The following ABCA13 variants were observed in gnomAD, a reference collection of about 807,000 sequenced individuals.
ABCA13 encodes ATP-binding cassette sub-family A member 13.
Under a neutral mutation model 478.7 loss-of-function variants are expected in ABCA13, and 476 were observed. The observed-to-expected ratio is 0.99, with a 90% CI of 0.92 to 1.07. ABCA13 has a LOEUF of 1.07. ABCA13 is among the 50% of genes least tolerant of loss of function. The pLI, the probability that ABCA13 is intolerant of heterozygous loss-of-function variation, is 0.00. For missense variants in ABCA13, 6,060 were observed against 5,910.6 expected (o/e 1.03, Z -0.83); for synonymous variants, 2,252 against 2,158.9 (o/e 1.04, Z -1.20).
intron 1 of ABCA13, among the ~76,000 whole-genome samples, chr7:48,172,617 A>T (rs993271824): frequency 1.3e-5 from 2 of 151,540 alleles, no homozygotes; most frequent in African/African-American, 4.9e-5. Context: ...AACACAGTGA[A>T]ACCCCGTCTC....
Position 48,275,079 on chromosome 7 carries a change from G to A in ABCA13, c.5413G>A (p.Val1805Ile), listed in dbSNP as rs555037483. ...AATTCTTTTGGATACAATTGAATTA[G>A]TATCAGATAAGCCAGATATTATTTC... is the stretch of plus-strand genomic sequence containing the variant. ...IKILLDTIEL[V>I]SDKPDIISEA... Residue 1805 changes from valine to isoleucine, a missense_variant, in exon 17 of 62, where the codon GTA (valine) becomes ATA (isoleucine). Around this residue, in one of 3 missense-constraint regions of ABCA13, gnomAD observed 4,423 missense variants for 4,309.1 expected, o/e 1.03. Transcript: ENST00000435803. 3.1e-6 allele frequency: 5 copies of A among 1,613,300 alleles called. No individual in the cohort carries two copies. The South Asian group carries it at 5.5e-5, about 18-fold the overall frequency.
At chr7:48,334,165 T>C (rs1805842399) in intron 27 of ABCA13, among the ~76,000 whole-genome samples, 1 of 152,156 alleles carries the variant, frequency 6.6e-6, no homozygotes, top group South Asian at 2.1e-4. Flanking sequence ...TTTTAAAGAT[T>C]TTACAGATCT....
At position 48,455,206 on chromosome 7, in the gene ABCA13, G is replaced by A. The variant is rs1429539585; in HGVS notation, c.12735G>A (p.Met4245Ile). 1 of 1,596,650 alleles carries A rather than the reference G, an allele frequency of 6.3e-7. No homozygotes were observed. The highest frequency in any genetic ancestry group is 2.3e-5 in the East Asian group (1 of 43,964). The change falls in exon 43 of 62, where the codon ATG (methionine) becomes ATA (isoleucine). Residue 4245 changes from methionine (M) to isoleucine (I), a missense_variant. Transcript: ENST00000435803. ...TGGCCTTGGCCATGGGCTTGTTCAT[G>A]GTGAGACCCCTGGCCACCGAGTACC... ...LFVALAMGLF[M>I]VRPLATEYPP...
intron 57 of ABCA13, among the ~76,000 whole-genome samples, chr7:48,592,478 T>C (rs1414843560): frequency 6.6e-6 from 1 of 151,938 alleles, no homozygotes; most frequent in Non-Finnish European, 1.5e-5. Flanking sequence ...TTGTTTAGAC[T>C]TGTTTTGTGG....
chr7:48,325,945 G>C (rs1431242379), intron 27 of ABCA13, among the ~76,000 whole-genome samples: 1 of 152,096 alleles, frequency 6.6e-6, no homozygotes, highest in Non-Finnish European at 1.5e-5. Context: ...TGCACTCTAG[G>C]GTATCTGGAG....
At chr7:48,642,060 A>G (rs1321685143) in intron 59 of ABCA13, among the ~76,000 whole-genome samples, 1 of 152,198 alleles carries the variant, frequency 6.6e-6, no homozygotes, top group Admixed American at 6.5e-5. Flanking sequence ...TGTCCTCACC[A>G]ACCTCTCAGC....
Position 48,269,635 on chromosome 7 carries a change from G to A in ABCA13, c.2120+541G>A, listed in dbSNP as rs560880673. Among the ~76,000 whole-genome samples, 90 of 152,282 alleles carry A rather than the reference G, an allele frequency of 5.9e-4. No individual in the cohort carries two copies. In the South Asian group the frequency reaches 0.018, roughly 31 times the overall value. Reference sequence around the variant, plus strand: ...TTGTGGGGTGTATTGGAACATGATGGGAGAGATGTTTTGCATAAGAGCAGT... The same window carrying A: ...TTGTGGGGTGTATTGGAACATGATGAGAGAGATGTTTTGCATAAGAGCAGT... On this transcript the variant is annotated intron_variant, in intron 16 of 61. Coordinates refer to ENST00000435803, the MANE Select transcript of ABCA13 (RefSeq NM_152701.5).
At chr7:48,542,677 G>T (rs993540893) in intron 55 of ABCA13, among the ~76,000 whole-genome samples, 1 of 149,228 alleles carries the variant, frequency 6.7e-6, no homozygotes, top group African/African-American at 2.5e-5. Flanking sequence ...CAGCATAAAA[G>T]AATAAATAAG....
intron 42 of ABCA13, among the ~76,000 whole-genome samples, chr7:48,444,204 G>T (rs1422349215): frequency 6.6e-6 from 1 of 152,136 alleles, no homozygotes; most frequent in Non-Finnish European, 1.5e-5. Context: ...TAAAGACAAA[G>T]CAGCATAAGA....
chr7:48,402,869 C>T (rs1817790867), intron 38 of ABCA13, among the ~76,000 whole-genome samples: 1 of 152,206 alleles, frequency 6.6e-6, no homozygotes. Flanking sequence ...GGAGACACTC[C>T]ACTTTGGTTT....
chr7:48,421,657 A>G (rs182664122), intron 41 of ABCA13, among the ~76,000 whole-genome samples: 112 of 152,312 alleles, frequency 7.4e-4, no homozygotes, highest in African/African-American at 2.7e-3. Context: ...CATTTCTCCA[A>G]GAAATCCTGG....
At chr7:48,316,419 A>C (rs1802590411) in intron 26 of ABCA13, among the ~76,000 whole-genome samples, 2 of 152,212 alleles carry the variant, frequency 1.3e-5, no homozygotes, top group South Asian at 4.1e-4. Context: ...TCAAGTGTCC[A>C]TGTCATTATT....
intron 58 of ABCA13, among the ~76,000 whole-genome samples, chr7:48,601,667 G>A (rs1790908140): frequency 1.3e-5 from 2 of 152,152 alleles, no homozygotes; most frequent in Non-Finnish European, 2.9e-5. Context: ...TTTGTGAACA[G>A]TTCCTCAGTA....
At chr7:48,459,147 A>G (rs139032538) in intron 43 of ABCA13, among the ~76,000 whole-genome samples, 2 of 152,300 alleles carry the variant, frequency 1.3e-5, no homozygotes, top group African/African-American at 4.8e-5. Flanking sequence ...AGCAGCACAG[A>G]GCAGCCCCAG....
chr7:48,547,930 T>C (rs540241155), intron 55 of ABCA13, among the ~76,000 whole-genome samples: 3 of 152,020 alleles, frequency 2.0e-5, no homozygotes, highest in African/African-American at 7.2e-5. Context: ...TATTGGGATG[T>C]AACCCCATCC....
intron 41 of ABCA13, among the ~76,000 whole-genome samples, chr7:48,415,379 G>A (rs895188322): frequency 6.6e-6 from 1 of 152,274 alleles, no homozygotes; most frequent in Admixed American, 6.5e-5. Context: ...GTTCATGTCT[G>A]TCTCTCTAAT....
At chr7:48,201,762 T>A (rs142646745) in intron 3 of ABCA13, among the ~76,000 whole-genome samples, 208 of 152,282 alleles carry the variant, frequency 1.4e-3, no homozygotes, top group African/African-American at 4.3e-3. Flanking sequence ...GTTAATTTAG[T>A]TCATAATGTG....
chr7:48,398,001 G>A (rs1241739221), intron 38 of ABCA13, among the ~76,000 whole-genome samples: 1 of 152,184 alleles, frequency 6.6e-6, no homozygotes, highest in Non-Finnish European at 1.5e-5. Flanking sequence ...TGTCTTCAGA[G>A]AATGGCTGGA....
At chr7:48,183,667 G>C (rs1246733265) in intron 1 of ABCA13, among the ~76,000 whole-genome samples, 3 of 152,156 alleles carry the variant, frequency 2.0e-5, no homozygotes, top group African/African-American at 7.2e-5. Context: ...ACAGAAACTA[G>C]GTCATGTTGG....
Sources: gnomAD v4.1 joint callset for allele counts (sites outside exome capture counted in the v4.1 genomes callset) on GRCh38, gnomAD v4.1.1 for gene constraint, gnomAD v4.1.1 regional missense constraint, MANE v1.5 for transcripts, NCBI Gene and HGNC (gene_info 2026-07-23, HGNC 2026-07-21) for gene names.